The following HDAC9 variants were observed in gnomAD, a reference collection of about 807,000 sequenced individuals.
The protein encoded by HDAC9 is MEF-2 interacting transcription repressor (MITR) protein.
In HDAC9, 41 loss-of-function variants were observed where a neutral mutation model predicts 139.4. That is an observed-to-expected ratio of 0.29 (90% CI 0.23 to 0.38). The LOEUF (loss-of-function observed/expected upper bound fraction) is 0.38. Ranked by LOEUF, HDAC9 falls within the 10% of genes least tolerant of loss-of-function variation. The pLI, the probability that HDAC9 is intolerant of heterozygous loss-of-function variation, is 1.00. For synonymous variants in HDAC9, 517 were observed against 476.2 expected, an observed-to-expected ratio of 1.09 and a Z score of -1.12; for missense variants, 1,147 against 1,297.0, an observed-to-expected ratio of 0.88 and a Z score of 1.78.
intron 2 of HDAC9, among the ~76,000 whole-genome samples, chr7:18,278,096 A>G (rs1796865820): frequency 6.6e-6 from 1 of 152,200 alleles, no homozygotes; most frequent in Non-Finnish European, 1.5e-5. Context: ...TTTCGGAAGT[A>G]TTTTAATCAT....
chr7:18,243,948 T>A (rs1430601809), intron 2 of HDAC9, among the ~76,000 whole-genome samples: 1 of 152,148 alleles, frequency 6.6e-6, no homozygotes, highest in African/African-American at 2.4e-5. Context: ...AATAGTACTG[T>A]TGTGCTGTTT....
chr7:18,557,047 G>C (rs1421697925), intron 2 of HDAC9, among the ~76,000 whole-genome samples: 1 of 151,884 alleles, frequency 6.6e-6, no homozygotes, highest in Non-Finnish European at 1.5e-5. Flanking sequence ...CAGTTTATTA[G>C]GGAATTCAGT....
At chr7:18,818,241 G>C (rs1416407814) in intron 17 of HDAC9, among the ~76,000 whole-genome samples, 1 of 152,062 alleles carries the variant, frequency 6.6e-6, no homozygotes, top group Non-Finnish European at 1.5e-5. Context: ...AGCACTGGGA[G>C]GTAATTATTG....
chr7:18,898,688 T>G (rs1341379713), intron 22 of HDAC9, among the ~76,000 whole-genome samples: 3 of 151,942 alleles, frequency 2.0e-5, no homozygotes, highest in Non-Finnish European at 2.9e-5. Flanking sequence ...CTGCTTATGT[T>G]GGAATTCACA....
At chr7:18,349,935 G>A (rs1585303923) in intron 1 of HDAC9, among the ~76,000 whole-genome samples, 2 of 152,072 alleles carry the variant, frequency 1.3e-5, no homozygotes, top group East Asian at 3.8e-4. Context: ...TATTACTTCA[G>A]TATTAGGAGG....
At chr7:18,590,117 C>T (rs1169686814) in intron 3 of HDAC9, among the ~76,000 whole-genome samples, 1 of 152,154 alleles carries the variant, frequency 6.6e-6, no homozygotes, top group African/African-American at 2.4e-5. Flanking sequence ...TAGGGATGCA[C>T]AGATAATGGA....
chr7:18,405,150 T>C lies in HDAC9; in HGVS notation c.-41-91112T>C, dbSNP rs1690822770. Among the ~76,000 whole-genome samples, 3 of 152,300 alleles carry C rather than the reference T, an allele frequency of 2.0e-5. No homozygotes were observed. In the South Asian group the frequency reaches 6.2e-4, roughly 32 times the overall value. On this transcript the variant is annotated intron_variant, in intron 1 of 3. Transcript: ENST00000413509. ...GCCCCCGGCAGGGAATTGATTTTTT[T>C]CTTCATCAAAGTTATAACAAAATAA...
At chr7:18,230,336 C>T (rs1793365569) in intron 2 of HDAC9, among the ~76,000 whole-genome samples, 1 of 152,120 alleles carries the variant, frequency 6.6e-6, no homozygotes, top group African/African-American at 2.4e-5. Context: ...AGCATTGAAC[C>T]AAGTGTGGGG....
At chr7:18,133,228 A>C (rs532041236) in intron 1 of HDAC9, among the ~76,000 whole-genome samples, 1 of 152,226 alleles carries the variant, frequency 6.6e-6, no homozygotes, top group African/African-American at 2.4e-5. Flanking sequence ...AAAATTGCCC[A>C]TGGCATATCA....
intron 22 of HDAC9, among the ~76,000 whole-genome samples, chr7:18,934,994 A>C (rs74982150): frequency 0.022 from 3,382 of 152,288 alleles, 127 homozygotes; most frequent in African/African-American, 0.076. Flanking sequence ...ACAGGGATCA[A>C]CAAAGATGAG....
At chr7:18,504,725 A>G (rs1402942312) in intron 2 of HDAC9, among the ~76,000 whole-genome samples, 1 of 152,154 alleles carries the variant, frequency 6.6e-6, no homozygotes, top group African/African-American at 2.4e-5. Context: ...TCACTTGATC[A>G]TTTAATCCTC....
intron 6 of HDAC9, among the ~76,000 whole-genome samples, chr7:18,614,679 G>A (rs993326328): frequency 1.3e-5 from 2 of 151,792 alleles, no homozygotes; most frequent in South Asian, 2.1e-4. Flanking sequence ...CTCTTTTTTC[G>A]ACCCATCTTA....
intron 12 of HDAC9, among the ~76,000 whole-genome samples, chr7:18,676,171 T>G (rs1271982557): frequency 2.0e-5 from 3 of 152,064 alleles, no homozygotes; most frequent in Non-Finnish European, 2.9e-5. Context: ...TAGGGGGTTC[T>G]CTTGTCATAT....
rs1287269544 is a variant in HDAC9 at position 19,000,923 on chromosome 7, C to T, written c.*4861C>T. 6.6e-6 allele frequency: 1 copy of T among 152,164 alleles called. No homozygotes were observed. The highest frequency in any genetic ancestry group is 1.5e-5 in the Non-Finnish European group (1 of 68,014). 9.4% of individuals were successfully genotyped at this position (152,164 alleles called of 1,614,324 possible). On this transcript the variant is annotated 3_prime_UTR_variant, in exon 26 of 26. Transcript: ENST00000686413. ...AGATACCACTAGGCCTACTGTCTTT[C>T]ATGCCATTTTATATAAACATTTTGA...
chr7:18,183,244 C>T (rs1004089082), intron 2 of HDAC9, among the ~76,000 whole-genome samples: 19 of 152,098 alleles, frequency 1.2e-4, no homozygotes, highest in Non-Finnish European at 2.4e-4. Context: ...CTTCTGACCT[C>T]GTGATCCGCC....
At chr7:18,467,820 G>T (rs1030714968) in intron 1 of HDAC9, among the ~76,000 whole-genome samples, 4 of 151,960 alleles carry the variant, frequency 2.6e-5, no homozygotes, top group Admixed American at 2.6e-4. Context: ...TTCCTGTTCC[G>T]GTATTCCATC....
chr7:18,136,316 C>A (rs1785414990), intron 1 of HDAC9, among the ~76,000 whole-genome samples: 2 of 152,174 alleles, frequency 1.3e-5, no homozygotes, highest in South Asian at 4.2e-4. Flanking sequence ...AATTAGATCC[C>A]ATTTGTCAAT....
intron 1 of HDAC9, among the ~76,000 whole-genome samples, chr7:18,438,652 G>A: frequency 6.8e-6 from 1 of 147,776 alleles, no homozygotes; most frequent in African/African-American, 2.6e-5. Context: ...GTGCGTGTGT[G>A]TGTGTGTGTG....
chr7:18,733,170 T>C (rs961137253), intron 13 of HDAC9, among the ~76,000 whole-genome samples: 1 of 147,560 alleles, frequency 6.8e-6, no homozygotes, highest in Non-Finnish European at 1.5e-5. Flanking sequence ...TGTATACACA[T>C]GTATATATGT....
Sources: allele counts gnomAD v4.1 joint callset (sites outside exome capture counted in the v4.1 genomes callset), GRCh38; gene constraint gnomAD v4.1.1; transcripts MANE v1.5; gene names NCBI Gene and HGNC (gene_info 2026-07-23, HGNC 2026-07-21).